Variants in CCSER1 observed in about 807,000 individuals in gnomAD.
The protein encoded by CCSER1 is coiled-coil serine rich protein 1, also known as serine-rich coiled-coil domain-containing protein 1.
A neutral mutation model predicts 82.0 loss-of-function variants in CCSER1; 41 were observed. The observed-to-expected ratio is 0.50, with a 90% confidence interval of 0.39 to 0.65. The LOEUF is 0.65. Among genes scored for constraint, CCSER1 ranks in the 30% least tolerant of loss-of-function variants. The pLI is 0.00. For synonymous variants in CCSER1, 414 were observed against 383.9 expected, an observed-to-expected ratio of 1.08 and a Z score of -0.92; for missense variants, 1,119 against 1,064.2, an observed-to-expected ratio of 1.05 and a Z score of -0.72.
chr4:90,235,391 A>T (rs1745590563), intron 1 of CCSER1: 2 of 152,212 alleles, frequency 1.3e-5, no homozygotes, highest in Admixed American at 1.3e-4. Flanking sequence ...CTTGAACCAA[A>T]CATGTGCACC....
chr4:90,441,112 A>G (rs777766495), intron 4 of CCSER1, among the ~76,000 whole-genome samples: 2 of 152,214 alleles, frequency 1.3e-5, no homozygotes, highest in African/African-American at 2.4e-5. Context: ...AAATTTTTCA[A>G]CTTAGCCAAG....
At chr4:90,891,494 AT>A (rs1722966324) in intron 8 of CCSER1, among the ~76,000 whole-genome samples, 1 of 151,926 alleles carries the variant, frequency 6.6e-6, no homozygotes, top group South Asian at 2.1e-4. Flanking sequence ...GGAAGTACAT[AT>A]TATTTTACAA....
At chr4:90,230,423 C>T (rs1388876614) in intron 1 of CCSER1, among the ~76,000 whole-genome samples, 16 of 151,484 alleles carry the variant, frequency 1.1e-4, no homozygotes, top group Admixed American at 2.6e-4. Flanking sequence ...TTGAAACCAA[C>T]GAGAACAAAG....
intron 7 of CCSER1, among the ~76,000 whole-genome samples, chr4:90,764,698 AT>A (rs1750935039): frequency 1.3e-5 from 2 of 152,154 alleles, no homozygotes; most frequent in Admixed American, 6.6e-5. Flanking sequence ...GATATAGGAC[AT>A]TTTAAAGACT....
At chr4:90,545,839 C>T (rs566434798) in intron 5 of CCSER1, among the ~76,000 whole-genome samples, 2 of 152,278 alleles carry the variant, frequency 1.3e-5, no homozygotes, top group African/African-American at 4.8e-5. Context: ...ACAAGAATTT[C>T]ACTGTCAAAT....
At position 90,255,969 on chromosome 4, in the gene CCSER1, G is replaced by A. The variant is rs1019814147; in HGVS notation, c.-41-52275G>A. ...TAAGCTAGCTAGTGATGGAACTGTG[G>A]CATTTCTAGTTAATGATAGAACTGT... On this transcript the variant is annotated intron_variant, in intron 1 of 10. Transcript: ENST00000509176. 3.3e-5 allele frequency among the ~76,000 whole-genome samples: 5 copies of A among 152,068 alleles called. No individual in the cohort carries two copies. The East Asian group carries it at 7.7e-4, about 23-fold the overall frequency.
rs187507593 is a variant in CCSER1, at chr4:90,221,737, G to A, written c.-41-86507G>A. On this transcript the variant is annotated intron_variant, in intron 1 of 10. Transcript: ENST00000509176. The stretch of plus-strand genomic sequence containing the variant: ...TTACTGTATAATGTCTGCTGTAAGC[G>A]AGCTTTGACAGCGGAAGTAGGAATG... Among the ~76,000 whole-genome samples the A allele has an allele frequency of 1.6e-4, 24 of 152,068 alleles. No individual in the cohort carries two copies. The South Asian group carries it at 2.7e-3, about 17-fold the overall frequency.
intron 10 of CCSER1, among the ~76,000 whole-genome samples, chr4:91,153,397 A>G (rs1207844515): frequency 6.6e-6 from 1 of 151,892 alleles, no homozygotes; most frequent in Non-Finnish European, 1.5e-5. Context: ...TGTTTATTCT[A>G]GTTAGCCATC....
At chr4:91,507,625 TG>T (rs1578650084) in intron 10 of CCSER1, among the ~76,000 whole-genome samples, 1 of 151,852 alleles carries the variant, frequency 6.6e-6, no homozygotes, top group Non-Finnish European at 1.5e-5. Context: ...TTTTGTTAAG[TG>T]GTGGGTGTAC....
At chr4:90,588,742 C>G (rs1342116693) in intron 5 of CCSER1, among the ~76,000 whole-genome samples, 4 of 152,088 alleles carry the variant, frequency 2.6e-5, no homozygotes, top group African/African-American at 7.2e-5. Flanking sequence ...GTGAATAAGT[C>G]TCAAGAGCTG....
In CCSER1 at chr4:90,889,369, C is replaced by T. The variant is rs149584113; in HGVS notation, c.2095-34001C>T. On this transcript the variant is annotated intron_variant, in intron 8 of 10. Coordinates refer to ENST00000509176, the MANE Select transcript of CCSER1 (RefSeq NM_001145065.2). ...TCTGCTTCTCTTATTGACTCACTCT[C>T]TCCTACCCCTCCTTCTCCCCACGCA... Among the ~76,000 whole-genome samples the T allele has an allele frequency of 2.6e-3, 402 of 152,276 alleles. 4 individuals carry two copies. The highest frequency in any genetic ancestry group is 9.4e-3 in the African/African-American group (392 of 41,580).
intron 1 of CCSER1, among the ~76,000 whole-genome samples, chr4:90,139,118 T>G (rs558589269): frequency 6.6e-6 from 1 of 152,262 alleles, no homozygotes; most frequent in South Asian, 2.1e-4. Flanking sequence ...TGTGCTTGTT[T>G]CCAGATCTCC....
intron 8 of CCSER1, among the ~76,000 whole-genome samples, chr4:90,849,414 C>T (rs1350850647): frequency 1.3e-5 from 2 of 152,000 alleles, no homozygotes; most frequent in East Asian, 3.9e-4. Flanking sequence ...TATCTGGTGG[C>T]AGAAATTTCT....
chr4:90,668,849 A>G (rs979244682), intron 6 of CCSER1, among the ~76,000 whole-genome samples: 2 of 152,126 alleles, frequency 1.3e-5, no homozygotes, highest in African/African-American at 4.8e-5. Context: ...TGTGTATAAG[A>G]AACTTTTAAA....
intron 10 of CCSER1, among the ~76,000 whole-genome samples, chr4:91,522,916 T>C (rs1349461391): frequency 2.0e-5 from 3 of 152,204 alleles, no homozygotes; most frequent in African/African-American, 7.2e-5. Flanking sequence ...CTATGTTGAA[T>C]AAGAGTGGTG....
intron 5 of CCSER1, among the ~76,000 whole-genome samples, chr4:90,481,980 G>C (rs1348792356): frequency 6.6e-6 from 1 of 152,080 alleles, no homozygotes. Context: ...GGTAGAATTC[G>C]GCTGTGAATC....
rs994647751 is a variant in CCSER1 at position 90,343,749 on chromosome 4, T to C, written c.1509+30702T>C. 3.3e-5 allele frequency among the ~76,000 whole-genome samples: 5 copies of C among 152,326 alleles called. No individual in the cohort carries two copies. In the South Asian group the frequency reaches 1.0e-3, roughly 32 times the overall value. The stretch of plus-strand genomic sequence containing the variant: ...TTTTCTGCAATTTATTTTATTTTTC[T>C]TAATTTTTGTGGGTACATAGTGGTA... On this transcript the variant is annotated intron_variant, in intron 3 of 10. Transcript: ENST00000509176.
chr4:90,721,367 T>TAA (rs35957568), intron 6 of CCSER1, among the ~76,000 whole-genome samples: 1 of 151,012 alleles, frequency 6.6e-6, no homozygotes, highest in Non-Finnish European at 1.5e-5. Context: ...TCCAATGGAT[T>TAA]AAAAAAAAAT....
chr4:90,156,850 AT>A (rs1340873255), intron 1 of CCSER1, among the ~76,000 whole-genome samples: 1 of 152,302 alleles, frequency 6.6e-6, no homozygotes, highest in African/African-American at 2.4e-5. Flanking sequence ...GTGTCTTTTA[AT>A]TGGAACATTT....
Sources: allele counts gnomAD v4.1 joint callset (sites outside exome capture counted in the v4.1 genomes callset), GRCh38; gene constraint gnomAD v4.1.1; transcripts MANE v1.5; gene names NCBI Gene and HGNC (gene_info 2026-07-23, HGNC 2026-07-21).